Variants in FGF14 observed in about 807,000 individuals in gnomAD.
FGF14 encodes fibroblast growth factor 14.
Under a neutral mutation model 25.5 loss-of-function variants are expected in FGF14, and 5 were observed. The ratio of observed to expected loss-of-function variants is 0.20; its 90% CI spans 0.10 to 0.41. The LOEUF (loss-of-function observed/expected upper bound fraction) is 0.41, where lower values mean the gene tolerates loss of function less well. Ranked by LOEUF, FGF14 falls within the 10% of genes least tolerant of loss-of-function variation. FGF14 has a pLI of 1.00. For synonymous variants in FGF14, 138 were observed against 118.3 expected, an observed-to-expected ratio of 1.17 and a Z score of -1.08; for missense variants, 222 against 320.1, an observed-to-expected ratio of 0.69 and a Z score of 2.34.
chr13:102,251,256 C>G (rs1334523750), intron 1 of FGF14, among the ~76,000 whole-genome samples: 2 of 152,256 alleles, frequency 1.3e-5, no homozygotes, highest in East Asian at 3.9e-4. Context: ...CTGCTGACTT[C>G]TTAAGGCCTG....
At chr13:102,253,339 C>T (rs1317451649) in intron 1 of FGF14, among the ~76,000 whole-genome samples, 1 of 152,102 alleles carries the variant, frequency 6.6e-6, no homozygotes, top group African/African-American at 2.4e-5. Flanking sequence ...CTGTTGTTTC[C>T]TGACTTTTTA....
intron 1 of FGF14, among the ~76,000 whole-genome samples, chr13:102,220,778 G>A (rs910865599): frequency 6.6e-5 from 10 of 152,148 alleles, no homozygotes; most frequent in African/African-American, 2.2e-4. Context: ...TTCGTGGCAC[G>A]CACACCTTCC....
At chr13:101,880,840 GTTTTGTTT>G (rs1384678910) in intron 1 of FGF14, among the ~76,000 whole-genome samples, 1 of 152,018 alleles carries the variant, frequency 6.6e-6, no homozygotes, top group Non-Finnish European at 1.5e-5. Context: ...TTCACTTTCT[GTTTTGTTT>G]TTAAAGTGGC....
chr13:102,267,840 A>T (rs925706875), intron 1 of FGF14, among the ~76,000 whole-genome samples: 1 of 152,122 alleles, frequency 6.6e-6, no homozygotes, highest in Non-Finnish European at 1.5e-5. Flanking sequence ...GCAGACAGAA[A>T]TTGTATACAG....
At chr13:101,925,389 A>C (rs1035685435) in intron 1 of FGF14, among the ~76,000 whole-genome samples, 3 of 152,134 alleles carry the variant, frequency 2.0e-5, no homozygotes, top group Admixed American at 2.0e-4. Flanking sequence ...TTCTTCCAAA[A>C]ACTCTCTACA....
intron 1 of FGF14, among the ~76,000 whole-genome samples, chr13:101,970,952 T>C (rs1404956001): frequency 6.6e-6 from 1 of 152,186 alleles, no homozygotes; most frequent in Non-Finnish European, 1.5e-5. Context: ...GTCAACCATC[T>C]GGCCCTTCTC....
At chr13:102,047,556 A>C (rs560168890) in intron 1 of FGF14, among the ~76,000 whole-genome samples, 1 of 152,314 alleles carries the variant, frequency 6.6e-6, no homozygotes, top group African/African-American at 2.4e-5. Flanking sequence ...GGAAACCATC[A>C]TTCTCAGCAA....
rs1448686030 is a variant in FGF14, at chr13:101,721,512, T to G, written c.*1319A>C. The G allele has an allele frequency of 6.6e-6, 1 of 152,138 alleles. No homozygotes were observed. The highest frequency in any genetic ancestry group is 1.5e-5 in the Non-Finnish European group (1 of 68,018). 9.4% of individuals were successfully genotyped at this position (152,138 alleles called of 1,614,324 possible). A position where few individuals can be genotyped will look rare whatever the true frequency, so the allele number is the denominator to read the frequency against. Reference sequence around the variant, plus strand: ...GGCAAGGCACCTCTAACCCAGCCACTGGGCAACATGAGCCCCAGATGCTGA... The same window carrying G: ...GGCAAGGCACCTCTAACCCAGCCACGGGGCAACATGAGCCCCAGATGCTGA... On this transcript the variant is annotated 3_prime_UTR_variant, in exon 5 of 5. Transcript: ENST00000376143.
At chr13:102,375,418 CA>C (rs1454817246) in intron 1 of FGF14, among the ~76,000 whole-genome samples, 1 of 152,076 alleles carries the variant, frequency 6.6e-6, no homozygotes, top group Non-Finnish European at 1.5e-5. Flanking sequence ...TAACTGAAAG[CA>C]TAAGACTTTG....
intron 1 of FGF14, among the ~76,000 whole-genome samples, chr13:101,885,030 A>C (rs747214400): frequency 1.3e-5 from 2 of 152,198 alleles, no homozygotes; most frequent in Non-Finnish European, 2.9e-5. Context: ...TGTTAAAAGA[A>C]AACAGACAGA....
intron 1 of FGF14, among the ~76,000 whole-genome samples, chr13:102,347,109 T>C (rs1416351278): frequency 1.3e-5 from 2 of 152,184 alleles, no homozygotes; most frequent in African/African-American, 2.4e-5. Flanking sequence ...GTGAGATGCA[T>C]GACCATGGCC....
At chr13:101,879,667 C>G (rs182410039) in intron 1 of FGF14, among the ~76,000 whole-genome samples, 16 of 152,078 alleles carry the variant, frequency 1.1e-4, no homozygotes, top group South Asian at 8.3e-4. Context: ...ATACATCATA[C>G]GAACTATGTT....
intron 3 of FGF14, among the ~76,000 whole-genome samples, chr13:101,742,273 G>A (rs1318302136): frequency 1.3e-5 from 2 of 152,118 alleles, no homozygotes; most frequent in East Asian, 1.9e-4. Flanking sequence ...CATGGCACAT[G>A]TATACCTATG....
intron 1 of FGF14, among the ~76,000 whole-genome samples, chr13:102,145,136 T>C (rs113094535): frequency 5.1e-4 from 78 of 152,302 alleles, no homozygotes; most frequent in African/African-American, 1.8e-3. Flanking sequence ...GTTCAAAGTA[T>C]TGTGGGTAGG....
intron 3 of FGF14, among the ~76,000 whole-genome samples, chr13:101,777,888 C>T (rs1182787412): frequency 6.6e-6 from 1 of 152,002 alleles, no homozygotes; most frequent in Non-Finnish European, 1.5e-5. Flanking sequence ...CGCTTGAACC[C>T]AGGAGGTGGA....
chr13:101,876,047 T>C (rs1406208606), intron 1 of FGF14, among the ~76,000 whole-genome samples: 1 of 152,192 alleles, frequency 6.6e-6, no homozygotes, highest in Admixed American at 6.6e-5. Flanking sequence ...AGTCAAGTTA[T>C]ACAATATGAA....
intron 3 of FGF14, among the ~76,000 whole-genome samples, chr13:101,733,542 C>T (rs1372254726): frequency 7.1e-6 from 1 of 140,582 alleles, no homozygotes; most frequent in Middle Eastern, 4.0e-3. Context: ...TTGCAGTGAG[C>T]GGAGATTGTG....
At chr13:101,985,556 G>A (rs879096329) in intron 1 of FGF14, among the ~76,000 whole-genome samples, 1 of 152,012 alleles carries the variant, frequency 6.6e-6, no homozygotes, top group Non-Finnish European at 1.5e-5. Flanking sequence ...TCATGCATTA[G>A]TACTGTCCTT....
chr13:101,822,783 T>C (rs969075463), intron 3 of FGF14, among the ~76,000 whole-genome samples: 1 of 152,220 alleles, frequency 6.6e-6, no homozygotes, highest in Non-Finnish European at 1.5e-5. Flanking sequence ...TAAATTATTT[T>C]AAGTATAGTC....
Sources: gnomAD v4.1 joint callset for allele counts (sites outside exome capture counted in the v4.1 genomes callset) on GRCh38, gnomAD v4.1.1 for gene constraint, MANE v1.5 for transcripts, NCBI Gene and HGNC (gene_info 2026-07-23, HGNC 2026-07-21) for gene names.